The following SMC2 variants were observed in gnomAD, a reference collection of about 807,000 sequenced individuals.
SMC2 encodes the protein structural maintenance of chromosomes protein 2.
Under a neutral mutation model 142.6 loss-of-function variants are expected in SMC2, and 41 were observed. The ratio of observed to expected loss-of-function variants is 0.29; its 90% CI spans 0.22 to 0.37. SMC2 has a LOEUF of 0.37. Among genes scored for constraint, SMC2 ranks in the 10% least tolerant of loss-of-function variants. SMC2 has a pLI of 1.00. For synonymous variants in SMC2, 463 were observed against 457.5 expected (o/e 1.01, Z -0.15); for missense variants, 1,265 against 1,373.7 (o/e 0.92, Z 1.25).
At chr9:104,127,536 G>GA in intron 20 of SMC2, 56 bp downstream of exon 20, 1 of 1,346,540 alleles carries the variant, frequency 7.4e-7, no homozygotes, top group Non-Finnish European at 9.9e-7. Flanking sequence ...CTGAGCTCTT[G>GA]AAAAAATTTA....
chr9:104,116,463 A>T, intron 14 of SMC2, 144 bp downstream of exon 14: 1 of 648,156 alleles, frequency 1.5e-6, no homozygotes. Context: ...GTGCAATTAG[A>T]TGATAAGAGA....
At chr9:104,123,991 G>A (rs958936811) in intron 17 of SMC2, among the ~76,000 whole-genome samples, 1 of 152,208 alleles carries the variant, frequency 6.6e-6, no homozygotes, top group Non-Finnish European at 1.5e-5. Context: ...AGTAGTGTAA[G>A]AAATTGTGCG....
Position 104,135,232 on chromosome 9 carries a change from A to AGTAGGAGACAC in SMC2, c.3269+659_3269+660insAGGAGACACGT, listed in dbSNP as rs1308464575. 2.0e-3 allele frequency among the ~76,000 whole-genome samples: 104 copies of AGTAGGAGACAC among 52,506 alleles called. 1 individual carries two copies. The highest frequency in any genetic ancestry group is 0.011 in the African/African-American group (99 of 9,126). The allele number at this position is 52,506 out of a possible 152,430, so 34.4% of individuals were successfully genotyped here. A position where few individuals can be genotyped will look rare whatever the true frequency, so the allele number is the denominator to read the frequency against. On this transcript the variant is annotated intron_variant, in intron 23 of 24. Coordinates refer to ENST00000374793, the MANE Select transcript of SMC2 (RefSeq NM_006444.3). ...TGACAGATGATGCAAGTAGGAGACAAGTTAATCCAAGAAAACATGAACATA... is the reference window on the plus strand; with the variant it reads ...TGACAGATGATGCAAGTAGGAGACAAGTAGGAGACACGTTAATCCAAGAAAACATGAACATA...
At chr9:104,131,650 CTTTTT>C (rs34656812) in intron 21 of SMC2, among the ~76,000 whole-genome samples, 1 of 132,472 alleles carries the variant, frequency 7.5e-6, no homozygotes. Context: ...ATATGTAACA[CTTTTT>C]TTTTTTTTTT....
At chr9:104,090,930 A>T (rs1458177632), upstream of SMC2, among the ~76,000 whole-genome samples, 1 of 152,260 alleles carries the variant, frequency 6.6e-6, no homozygotes, top group African/African-American at 2.4e-5. Flanking sequence ...CAGAATTCAC[A>T]AAGAACCAAA....
chr9:104,089,587 T>G (rs1040324543), upstream of SMC2, among the ~76,000 whole-genome samples: 1 of 152,124 alleles, frequency 6.6e-6, no homozygotes, highest in Non-Finnish European at 1.5e-5. Flanking sequence ...AAGCCAAGGA[T>G]AGCTGGAAAA....
chr9:104,113,851 C>A, intron 11 of SMC2, 113 bp from the exon 12 acceptor site: 1 of 647,150 alleles, frequency 1.5e-6, no homozygotes, highest in East Asian at 2.8e-5. Flanking sequence ...TTAATACTTA[C>A]AGAAATTTGT....
chr9:104,111,641 G>T lies in SMC2; in HGVS notation c.1081G>T (p.Ala361Ser), dbSNP rs1393873596. The T allele has an allele frequency of 6.2e-7, 1 of 1,614,038 alleles. No homozygotes were observed. The highest frequency in any genetic ancestry group is 1.7e-5 in the Admixed American group (1 of 60,012). The change falls in exon 10 of 25, where the codon GCC (alanine) becomes TCC (serine). Residue 361 changes from alanine (A) to serine (S), a missense_variant. This residue lies in a region of SMC2 where 898 missense variants were observed against 904.2 expected (regional missense o/e 0.99). Coordinates refer to ENST00000374793, the MANE Select transcript of SMC2 (RefSeq NM_006444.3). ...EVKKITDGLHALQEASNKDAE... is the reference protein window; with the variant it reads ...EVKKITDGLHSLQEASNKDAE... ...TAAAAAGATAACAGATGGACTGCATGCCCTTCAAGAAGCAAGTAATAAAGA... is the reference window on the plus strand; with the variant it reads ...TAAAAAGATAACAGATGGACTGCATTCCCTTCAAGAAGCAAGTAATAAAGA...
In SMC2 at chr9:104,127,096, A is replaced by G. The variant is rs185469282; in HGVS notation, c.2596-190A>G. 9.3e-3 allele frequency among the ~76,000 whole-genome samples: 1,418 copies of G among 152,258 alleles called. 11 individuals are homozygous for G. The highest frequency in any genetic ancestry group is 0.024 in the Middle Eastern group (7 of 294). On this transcript the variant is annotated intron_variant, in intron 19 of 24. Coordinates refer to ENST00000374793, the MANE Select transcript of SMC2 (RefSeq NM_006444.3). ...CCACCCCTTTTACCAGGGATGATCC[A>G]AGTTTTCTTCTGTGTATAAATTGAT...
rs367926942 is a variant in SMC2 at position 104,102,822 on chromosome 9, G to A, written c.1020+249G>A. 3.8e-4 allele frequency among the ~76,000 whole-genome samples: 58 copies of A among 152,238 alleles called. 2 individuals are homozygous for A. The South Asian group carries it at 7.5e-3, about 20-fold the overall frequency. On this transcript the variant is annotated intron_variant, in intron 9 of 24. Transcript: ENST00000374793. Reference sequence around the variant, plus strand: ...CATGTTATAGAGTGATAACTGATGTGGAGAAAAAGCAGGGAAGGGGATTAG... The same window carrying A: ...CATGTTATAGAGTGATAACTGATGTAGAGAAAAAGCAGGGAAGGGGATTAG...
chr9:104,108,826 T>C (rs1309516895), intron 9 of SMC2, among the ~76,000 whole-genome samples: 1 of 152,186 alleles, frequency 6.6e-6, no homozygotes, highest in African/African-American at 2.4e-5. Flanking sequence ...TTCATGTGTA[T>C]GTTCCCCATA....
intron 18 of SMC2, among the ~76,000 whole-genome samples, chr9:104,125,625 G>A (rs1386122625): frequency 1.3e-5 from 2 of 152,104 alleles, no homozygotes; most frequent in Non-Finnish European, 2.9e-5. Flanking sequence ...TGATATTCTG[G>A]ATGTCATATC....
At chr9:104,137,592 A>G (rs573715172) in intron 23 of SMC2, among the ~76,000 whole-genome samples, 1 of 152,166 alleles carries the variant, frequency 6.6e-6, no homozygotes, top group African/African-American at 2.4e-5. Flanking sequence ...TTACATTATG[A>G]AAGTTTGAAA....
At chr9:104,134,370 T>TG (rs1564118878) in intron 22 of SMC2, 45 bp from the exon 23 acceptor site, 1 of 1,455,866 alleles carries the variant, frequency 6.9e-7, no homozygotes, top group Admixed American at 2.1e-5. Context: ...TGATTCTTCT[T>TG]GGAAAGCATC....
chr9:104,125,105 G>A lies in SMC2; in HGVS notation c.2451G>A (p.Gln817=), dbSNP rs372968302. The change falls in exon 18 of 25, where the codon CAG becomes CAA. Residue 817 remains glutamine (Q), a splice_region_variant and synonymous_variant. Transcript: ENST00000374793. ...ASSKKMKEKQ[Q]EVEAITLELE... ...GCAAGAAGATGAAAGAAAAACAACA[G>A]GTAATAACTTCTTTTTGAAATTGAA... 38 of 1,564,870 alleles carry A rather than the reference G, an allele frequency of 2.4e-5. No homozygotes were observed. Among genetic ancestry groups the A allele is most frequent in the Middle Eastern group, 3.4e-4 (2 of 5,808 alleles).
chr9:104,126,527 C>A, intron 18 of SMC2, 114 bp from the exon 19 acceptor site: 1 of 728,628 alleles, frequency 1.4e-6, no homozygotes, highest in Non-Finnish European at 2.0e-6. Flanking sequence ...TGAGTGGTAA[C>A]AAAGCTGTGG....
intron 16 of SMC2, among the ~76,000 whole-genome samples, chr9:104,120,876 A>C (rs74536067): frequency 0.057 from 8,633 of 152,174 alleles, 660 homozygotes; most frequent in African/African-American, 0.18. Context: ...GGATCAGATA[A>C]ATATCCCTGC....
chr9:104,113,238 A>G (rs1032024296), intron 10 of SMC2, 78 bp from the exon 11 acceptor site: 10 of 1,115,660 alleles, frequency 9.0e-6, no homozygotes, highest in African/African-American at 4.8e-5. Context: ...AGTAAAACCA[A>G]TCTGAATCTT....
intron 10 of SMC2, 73 bp downstream of exon 10, chr9:104,111,887 A>G (rs1832492390): frequency 9.5e-6 from 10 of 1,049,490 alleles, no homozygotes; most frequent in Admixed American, 2.6e-5. Flanking sequence ...TGCTTTGGCA[A>G]TTGTTACATA....
Sources: allele counts gnomAD v4.1 joint callset (sites outside exome capture counted in the v4.1 genomes callset), GRCh38; gene constraint gnomAD v4.1.1; regional missense constraint gnomAD v4.1.1; transcripts MANE v1.5; gene names NCBI Gene and HGNC (gene_info 2026-07-23, HGNC 2026-07-21).